The following KIAA1549L variants were observed in gnomAD, a reference collection of about 807,000 sequenced individuals.
KIAA1549L encodes the protein UPF0606 protein KIAA1549L.
A neutral mutation model predicts 160.7 loss-of-function variants in KIAA1549L; 88 were observed. The observed-to-expected ratio is 0.55, with a 90% confidence interval of 0.46 to 0.65. The LOEUF (loss-of-function observed/expected upper bound fraction) is 0.65. Ranked by LOEUF, KIAA1549L falls within the 30% of genes least tolerant of loss-of-function variation. The pLI, the probability that KIAA1549L is intolerant of heterozygous loss-of-function variation, is 0.00. For missense variants in KIAA1549L, 2,258 were observed against 2,437.5 expected (o/e 0.93, Z 1.55); for synonymous variants, 950 against 976.7 (o/e 0.97, Z 0.51).
intron 1 of KIAA1549L, among the ~76,000 whole-genome samples, chr11:33,464,474 A>ATATGTGTG (rs369143975): frequency 2.1e-5 from 3 of 140,090 alleles, no homozygotes; most frequent in Non-Finnish European, 4.7e-5. Context: ...CTGTGTGTGC[A>ATATGTGTG]TGTGTGTGTG....
At chr11:33,447,306 T>C (rs146227684) in intron 1 of KIAA1549L, among the ~76,000 whole-genome samples, 25 of 152,280 alleles carry the variant, frequency 1.6e-4, no homozygotes, top group African/African-American at 5.3e-4. Context: ...AAGATGATGA[T>C]GTGAGTAATG....
intron 1 of KIAA1549L, among the ~76,000 whole-genome samples, chr11:33,520,429 C>A (rs537571871): frequency 2.1e-4 from 32 of 150,036 alleles, no homozygotes; most frequent in South Asian, 4.2e-4. Flanking sequence ...ATAATGCCTT[C>A]TTCAAAAAAA....
intron 1 of KIAA1549L, among the ~76,000 whole-genome samples, chr11:33,502,003 A>G (rs1852960439): frequency 6.6e-6 from 1 of 152,206 alleles, no homozygotes; most frequent in Non-Finnish European, 1.5e-5. Flanking sequence ...GGAGGAAAGA[A>G]TGAGGGAAGC....
At position 33,594,412 on chromosome 11, in the gene KIAA1549L, C is replaced by T. The variant is rs1024244954; in HGVS notation, c.4751+2991C>T. Among the ~76,000 whole-genome samples the T allele has an allele frequency of 5.3e-5, 8 of 152,152 alleles. No homozygotes were observed. The South Asian group carries it at 1.7e-3, about 31-fold the overall frequency. ...CTAGGCTTGGCTGACCTTAGCTGGG[C>T]CTGCTTATGCATCTCCAGTCAGGTG... On this transcript the variant is annotated intron_variant, in intron 12 of 20. Coordinates refer to ENST00000658780, the MANE Select transcript of KIAA1549L (RefSeq NM_012194.3).
Position 33,399,902 on chromosome 11 carries a change from T to C in KIAA1549L, c.238+23013T>C, listed in dbSNP as rs536443502. Among the ~76,000 whole-genome samples, 10 of 152,340 alleles carry C rather than the reference T, an allele frequency of 6.6e-5. 1 individual carries two copies. Among genetic ancestry groups the C allele is most frequent in the African/African-American group, 2.4e-4 (10 of 41,588 alleles). On this transcript the variant is annotated intron_variant, in intron 1 of 20. Transcript: ENST00000658780. ...TTCTCTTTGCTGTGGCACCTCCACTTTGTGGACTCAGCTTTTTAGCTAACG... is the reference window on the plus strand; with the variant it reads ...TTCTCTTTGCTGTGGCACCTCCACTCTGTGGACTCAGCTTTTTAGCTAACG...
At chr11:33,427,035 C>T (rs1851131246) in intron 1 of KIAA1549L, among the ~76,000 whole-genome samples, 1 of 152,182 alleles carries the variant, frequency 6.6e-6, no homozygotes, top group South Asian at 2.1e-4. Context: ...TTCAGTAGCT[C>T]TCCACCTTTA....
chr11:33,636,069 C>T (rs1049856136), intron 16 of KIAA1549L, among the ~76,000 whole-genome samples: 2 of 152,200 alleles, frequency 1.3e-5, no homozygotes, highest in Non-Finnish European at 2.9e-5. Context: ...CCAGCTTATC[C>T]TGGTCAACAA....
intron 1 of KIAA1549L, among the ~76,000 whole-genome samples, chr11:33,431,987 G>T (rs904760029): frequency 1.3e-5 from 2 of 152,256 alleles, no homozygotes; most frequent in Middle Eastern, 3.2e-3. Context: ...ACTGGCCCGG[G>T]TGCTAAGTCC....
intron 16 of KIAA1549L, among the ~76,000 whole-genome samples, chr11:33,619,178 T>C (rs1002779336): frequency 6.6e-6 from 1 of 152,198 alleles, no homozygotes; most frequent in Non-Finnish European, 1.5e-5. Flanking sequence ...GCAGAAATTA[T>C]TTTAATCCCG....
chr11:33,505,156 G>A (rs1024969679), intron 1 of KIAA1549L, among the ~76,000 whole-genome samples: 1 of 152,210 alleles, frequency 6.6e-6, no homozygotes, highest in Non-Finnish European at 1.5e-5. Flanking sequence ...GCACTCTGAA[G>A]TCAGAGCTGT....
At chr11:33,532,894 T>G (rs558089830) in intron 1 of KIAA1549L, among the ~76,000 whole-genome samples, 3 of 152,322 alleles carry the variant, frequency 2.0e-5, no homozygotes, top group African/African-American at 4.8e-5. Flanking sequence ...TCTCCCTCAG[T>G]GTTTCCAGCA....
At chr11:33,383,679 A>G (rs1399552921) in intron 1 of KIAA1549L, among the ~76,000 whole-genome samples, 2 of 152,130 alleles carry the variant, frequency 1.3e-5, no homozygotes, top group Non-Finnish European at 2.9e-5. Flanking sequence ...TCACTCGGGC[A>G]GGTGTGGTGG....
intron 1 of KIAA1549L, among the ~76,000 whole-genome samples, chr11:33,503,017 T>C (rs1224693808): frequency 6.6e-6 from 1 of 152,206 alleles, no homozygotes; most frequent in Non-Finnish European, 1.5e-5. Flanking sequence ...TGTAAGTATA[T>C]AACTTGATTA....
chr11:33,581,724 T>G (rs1016996532), intron 10 of KIAA1549L, among the ~76,000 whole-genome samples: 1 of 152,210 alleles, frequency 6.6e-6, no homozygotes, highest in Non-Finnish European at 1.5e-5. Flanking sequence ...TTTGTACTTT[T>G]AGGTAATTAC....
intron 1 of KIAA1549L, among the ~76,000 whole-genome samples, chr11:33,520,305 C>A (rs1241249418): frequency 2.0e-5 from 3 of 152,070 alleles, no homozygotes; most frequent in African/African-American, 7.2e-5. Flanking sequence ...CCTCAACAGC[C>A]CCTAGTAACC....
chr11:33,632,277 T>C (rs567775911), intron 16 of KIAA1549L, among the ~76,000 whole-genome samples: 1 of 152,334 alleles, frequency 6.6e-6, no homozygotes, highest in Admixed American at 6.5e-5. Flanking sequence ...AGGCCTCATA[T>C]CTACATCCTG....
chr11:33,440,221 C>T (rs1220698090), intron 1 of KIAA1549L, among the ~76,000 whole-genome samples: 1 of 145,808 alleles, frequency 6.9e-6, no homozygotes, highest in African/African-American at 2.5e-5. Flanking sequence ...GCTCCACCTC[C>T]CGGGTTCACG....
rs1491227420 is a variant in KIAA1549L at position 33,464,473 on chromosome 11, CAT to C, written c.239-77328_239-77327del. On this transcript the variant is annotated intron_variant, in intron 1 of 20. Transcript: ENST00000658780. ...CCAAATGCCTGCAGAGCTGTGTGTG[CAT>C]GTGTGTGTGTGTGTGTGTGTGTGTG... Among the ~76,000 whole-genome samples the C allele has an allele frequency of 1.9e-3, 174 of 91,428 alleles. 1 individual carries two copies. The highest frequency in any genetic ancestry group is 6.8e-3 in the South Asian group (18 of 2,628). The allele number at this position is 91,428 out of a possible 152,430, so 60.0% of individuals were successfully genotyped here. A position where few individuals can be genotyped will look rare whatever the true frequency, so the allele number is the denominator to read the frequency against.
At chr11:33,559,605 C>G in intron 6 of KIAA1549L, 144 bp from the exon 7 acceptor site, 1 of 654,980 alleles carries the variant, frequency 1.5e-6, no homozygotes, top group South Asian at 1.9e-5. Context: ...GACGGTTACT[C>G]TTGTCTGTTC....
Sources: allele counts gnomAD v4.1 joint callset (sites outside exome capture counted in the v4.1 genomes callset), GRCh38; gene constraint gnomAD v4.1.1; transcripts MANE v1.5; gene names NCBI Gene and HGNC (gene_info 2026-07-23, HGNC 2026-07-21).